The following XXYLT1 variants were observed in gnomAD, a reference collection of about 807,000 sequenced individuals.
XXYLT1 encodes the protein UDP-xylose:alpha-xyloside alpha-1,3-xylosyltransferase.
A neutral mutation model predicts 28.9 loss-of-function variants in XXYLT1; 20 were observed. The ratio of observed to expected loss-of-function variants is 0.69; its 90% CI spans 0.49 to 1.00. The LOEUF (loss-of-function observed/expected upper bound fraction) is 1.00, where lower values mean the gene tolerates loss of function less well. Ranked by LOEUF, XXYLT1 falls within the 50% of genes least tolerant of loss-of-function variation. The probability of loss-of-function intolerance (pLI) is 0.00; values close to 1 mark genes in which losing one functional copy is unlikely to be tolerated. For synonymous variants in XXYLT1, 257 were observed against 253.8 expected, an observed-to-expected ratio of 1.01 and a Z score of -0.12; for missense variants, 542 against 560.1, an observed-to-expected ratio of 0.97 and a Z score of 0.33.
intron 3 of XXYLT1, among the ~76,000 whole-genome samples, chr3:195,139,599 T>C (rs1295281602): frequency 2.0e-5 from 3 of 152,168 alleles, no homozygotes; most frequent in Non-Finnish European, 4.4e-5. Context: ...GTTCAGAGCC[T>C]GGCCCTTAGC....
At chr3:195,123,505 A>G (rs561481635) in intron 3 of XXYLT1, among the ~76,000 whole-genome samples, 2 of 152,326 alleles carry the variant, frequency 1.3e-5, no homozygotes, top group South Asian at 4.1e-4. Context: ...CCTCCCTGGA[A>G]TATCTCTGCA....
Position 195,252,496 on chromosome 3 carries a change from G to A in XXYLT1, c.504+18059C>T, listed in dbSNP as rs114546536. Among the ~76,000 whole-genome samples the A allele has an allele frequency of 3.5e-3, 534 of 152,076 alleles. 7 individuals carry two copies. The highest frequency in any genetic ancestry group is 0.012 in the African/African-American group (507 of 41,480). On this transcript the variant is annotated intron_variant, in intron 1 of 3. Coordinates refer to ENST00000310380, the MANE Select transcript of XXYLT1 (RefSeq NM_152531.5). ...AAATATATCGTGAGAGGCAAAAAGC[G>A]GGGCTGTGTAATATAAATTAGCAGG...
intron 3 of XXYLT1, among the ~76,000 whole-genome samples, chr3:195,143,826 A>ATTTTTT (rs1719647656): frequency 1.2e-5 from 1 of 83,616 alleles, no homozygotes; most frequent in Non-Finnish European, 2.4e-5. Flanking sequence ...ATATAGATAT[A>ATTTTTT]TATAGATATA....
rs113863081 is a variant in XXYLT1, at chr3:195,133,354, G to A, written c.785+23095C>T. On this transcript the variant is annotated intron_variant, in intron 3 of 3. Coordinates refer to ENST00000310380, the MANE Select transcript of XXYLT1 (RefSeq NM_152531.5). The surrounding 1 kb of genome is among the most constrained non-coding windows in gnomAD (Gnocchi z 4.4). ...AGCCCTTGGGGTGGGGAGTGGGAGA[G>A]GGGGAAGAAGGGTGGGAACTTTCTT... is the stretch of plus-strand genomic sequence containing the variant. Among the ~76,000 whole-genome samples, 589 of 152,282 alleles carry A rather than the reference G, an allele frequency of 3.9e-3. 4 individuals carry two copies. The highest frequency in any genetic ancestry group is 0.014 in the African/African-American group (563 of 41,552).
chr3:195,137,642 TCCG>T (rs780963152), intron 3 of XXYLT1, among the ~76,000 whole-genome samples: 9 of 152,212 alleles, frequency 5.9e-5, no homozygotes, highest in Non-Finnish European at 1.3e-4. Flanking sequence ...ATTTAACCTC[TCCG>T]TGCTCTGTAA....
chr3:195,136,593 C>T lies in XXYLT1; in HGVS notation c.785+19856G>A, dbSNP rs192198024. On this transcript the variant is annotated intron_variant, in intron 3 of 3. Transcript: ENST00000310380. ...TACAAAACAAGGATAAAACCACCTGCGTTCTTATGTCACTGAATTAGTATG... is the reference window on the plus strand; with the variant it reads ...TACAAAACAAGGATAAAACCACCTGTGTTCTTATGTCACTGAATTAGTATG... 3.2e-3 allele frequency among the ~76,000 whole-genome samples: 487 copies of T among 152,230 alleles called. 1 individual carries two copies. Among genetic ancestry groups the T allele is most frequent in the African/African-American group, 1.0e-2 (414 of 41,526 alleles).
intron 3 of XXYLT1, among the ~76,000 whole-genome samples, chr3:195,083,359 G>A (rs1715546131): frequency 6.6e-6 from 1 of 152,148 alleles, no homozygotes; most frequent in African/African-American, 2.4e-5. Context: ...TCCCAGGCTG[G>A]AGTCCTCAGG....
chr3:195,208,998 T>C (rs944093685), intron 2 of XXYLT1, among the ~76,000 whole-genome samples: 2 of 152,170 alleles, frequency 1.3e-5, no homozygotes, highest in Admixed American at 6.5e-5. Flanking sequence ...CAAACCTTAT[T>C]ATGTGATCAA....
intron 1 of XXYLT1, chr3:195,270,327 C>T (rs1725977178): frequency 3.9e-6 from 4 of 1,021,520 alleles, no homozygotes; most frequent in Middle Eastern, 3.3e-4. Flanking sequence ...GAAAACGAGG[C>T]GGTCATTAAA....
chr3:195,076,123 T>C lies in XXYLT1; in HGVS notation c.786-6012A>G, dbSNP rs1037573165. ...GCTGGAGGCTGCCAGGGCCCTGCTT[T>C]GCAACTGCTGGCATCTCTGCACCAT... On this transcript the variant is annotated intron_variant, in intron 3 of 3. Coordinates refer to ENST00000310380, the MANE Select transcript of XXYLT1 (RefSeq NM_152531.5). This position sits in a 1 kb window ranked among gnomAD's most constrained non-coding sequence, Gnocchi z 5.3. 2.0e-5 allele frequency among the ~76,000 whole-genome samples: 3 copies of C among 152,176 alleles called. No homozygotes were observed. Among genetic ancestry groups the C allele is most frequent in the African/African-American group, 7.2e-5 (3 of 41,448 alleles).
At chr3:195,141,841 T>C (rs534804265) in intron 3 of XXYLT1, among the ~76,000 whole-genome samples, 5 of 152,240 alleles carry the variant, frequency 3.3e-5, no homozygotes, top group African/African-American at 4.8e-5. Context: ...TCCCGCCTAA[T>C]TGAGCGACTA....
At chr3:195,143,939 A>G (rs927344476) in intron 3 of XXYLT1, among the ~76,000 whole-genome samples, 1 of 144,762 alleles carries the variant, frequency 6.9e-6, no homozygotes, top group Non-Finnish European at 1.5e-5. Context: ...GCTGTCATCC[A>G]GGCTGGAGTG....
chr3:195,096,751 G>C (rs1163240610), intron 3 of XXYLT1, among the ~76,000 whole-genome samples: 5 of 152,140 alleles, frequency 3.3e-5, no homozygotes, highest in African/African-American at 7.2e-5. Context: ...TCAGAACATA[G>C]AGACAAGCTT....
intron 2 of XXYLT1, among the ~76,000 whole-genome samples, chr3:195,224,327 G>C (rs922720005): frequency 6.6e-6 from 1 of 152,144 alleles, no homozygotes; most frequent in African/African-American, 2.4e-5. Flanking sequence ...CCAATGATGC[G>C]TCCATTTACT....
chr3:195,233,530 G>A (rs1724391776), intron 1 of XXYLT1, among the ~76,000 whole-genome samples: 1 of 152,054 alleles, frequency 6.6e-6, no homozygotes, highest in South Asian at 2.1e-4. Context: ...TAGACTTGAG[G>A]TTGCCATGAG....
At chr3:195,226,524 C>T (rs982532379) in intron 2 of XXYLT1, among the ~76,000 whole-genome samples, 185 bp downstream of exon 2, 4 of 152,018 alleles carry the variant, frequency 2.6e-5, no homozygotes, top group African/African-American at 9.7e-5. Flanking sequence ...CAACCAAGGC[C>T]CTGCCCTTGA....
At chr3:195,259,544 T>A in intron 1 of XXYLT1, 2 of 984,742 alleles carry the variant, frequency 2.0e-6, no homozygotes, top group Non-Finnish European at 2.4e-6. Flanking sequence ...GCGGCCGGGC[T>A]CCTCCTCCCA....
chr3:195,249,758 C>T (rs752969481), intron 1 of XXYLT1, among the ~76,000 whole-genome samples: 1 of 152,246 alleles, frequency 6.6e-6, no homozygotes, highest in Non-Finnish European at 1.5e-5. Context: ...AACCCAAGCG[C>T]TGTCAAAAGA....
rs1489376165 is a variant in XXYLT1, at chr3:195,257,953, G to A, written c.504+12602C>T. ...CAGCCCCGGCACACCCACAATCCTC[G>A]ACCCTGTGTCTTCCTACCCCCTAGA... On this transcript the variant is annotated intron_variant, in intron 1 of 3. Coordinates refer to ENST00000310380, the MANE Select transcript of XXYLT1 (RefSeq NM_152531.5). The surrounding 1 kb of genome is among the most constrained non-coding windows in gnomAD (Gnocchi z 4.3). Among the ~76,000 whole-genome samples the A allele has an allele frequency of 2.6e-5, 4 of 152,068 alleles. No homozygotes were observed. The highest frequency in any genetic ancestry group is 1.9e-4 in the East Asian group (1 of 5,186).
Sources: allele counts gnomAD v4.1 joint callset (sites outside exome capture counted in the v4.1 genomes callset), GRCh38; gene constraint gnomAD v4.1.1; non-coding constraint Gnocchi (gnomAD v3.1); transcripts MANE v1.5; gene names NCBI Gene and HGNC (gene_info 2026-07-23, HGNC 2026-07-21).